Variants in GALNT17 observed in about 807,000 individuals in gnomAD.
GALNT17 encodes UDP-GalNAc:polypeptide N-acetylgalactosaminyltransferase-like 3.
In GALNT17, 29 loss-of-function variants were observed where a neutral mutation model predicts 63.7. The observed-to-expected ratio is 0.46, with a 90% CI of 0.34 to 0.62. The LOEUF (loss-of-function observed/expected upper bound fraction) is 0.62, where lower values mean the gene tolerates loss of function less well. Among genes scored for constraint, GALNT17 ranks in the 20% least tolerant of loss-of-function variants. The pLI, the probability that GALNT17 is intolerant of heterozygous loss-of-function variation, is 0.01. For synonymous variants in GALNT17, 305 were observed against 318.3 expected, an observed-to-expected ratio of 0.96 and a Z score of 0.45; for missense variants, 603 against 799.6, an observed-to-expected ratio of 0.75 and a Z score of 2.97.
chr7:71,537,700 C>G (rs931363662), intron 5 of GALNT17, among the ~76,000 whole-genome samples: 1 of 152,092 alleles, frequency 6.6e-6, no homozygotes, highest in Non-Finnish European at 1.5e-5. Flanking sequence ...GTAGTCCCAG[C>G]TGCTCAGGAG....
intron 8 of GALNT17, among the ~76,000 whole-genome samples, chr7:71,675,448 T>C (rs189679610): frequency 1.4e-4 from 21 of 152,174 alleles, no homozygotes; most frequent in African/African-American, 5.1e-4. Flanking sequence ...GTTAAAACAT[T>C]CATGTCCTTA....
chr7:71,152,591 C>A (rs575761104), intron 1 of GALNT17, among the ~76,000 whole-genome samples: 1 of 152,214 alleles, frequency 6.6e-6, no homozygotes, highest in African/African-American at 2.4e-5. Context: ...CACTTTTCTT[C>A]TTCCCCATGA....
At chr7:71,136,674 G>T (rs753805954) in intron 1 of GALNT17, among the ~76,000 whole-genome samples, 1 of 151,970 alleles carries the variant, frequency 6.6e-6, no homozygotes, top group East Asian at 1.9e-4. Flanking sequence ...TAGTAGAGAC[G>T]GGTTTTCGCC....
intron 6 of GALNT17, among the ~76,000 whole-genome samples, chr7:71,640,262 T>C (rs1164467787): frequency 6.6e-6 from 1 of 152,212 alleles, no homozygotes; most frequent in African/African-American, 2.4e-5. Flanking sequence ...CGATTTTCCC[T>C]CTTGTAAAAC....
intron 3 of GALNT17, among the ~76,000 whole-genome samples, chr7:71,393,401 A>C (rs947491162): frequency 3.3e-5 from 5 of 152,228 alleles, no homozygotes; most frequent in African/African-American, 1.2e-4. Context: ...AATTGGAAAA[A>C]AATAAATACT....
At chr7:71,486,812 G>C (rs1787917799) in intron 5 of GALNT17, among the ~76,000 whole-genome samples, 1 of 151,068 alleles carries the variant, frequency 6.6e-6, no homozygotes, top group South Asian at 2.1e-4. Flanking sequence ...GCAGTGAGCT[G>C]TAATGGTGCC....
At chr7:71,701,949 T>C (rs1408648114) in intron 9 of GALNT17, among the ~76,000 whole-genome samples, 3 of 146,602 alleles carry the variant, frequency 2.0e-5, no homozygotes, top group East Asian at 2.0e-4. Context: ...CATGGAACAC[T>C]ATGCAACCAT....
rs751787646 is a variant in GALNT17 at position 71,238,355 on chromosome 7, C to T, written c.239-97195C>T. Reference sequence around the variant, plus strand: ...TTTCACATTTGCATCTAGCTGCATTCGGAATTTATTTATTTATTTAGAGAG... The same window carrying T: ...TTTCACATTTGCATCTAGCTGCATTTGGAATTTATTTATTTATTTAGAGAG... On this transcript the variant is annotated intron_variant, in intron 1 of 10. Coordinates refer to ENST00000333538, the MANE Select transcript of GALNT17 (RefSeq NM_022479.3). Among the ~76,000 whole-genome samples, 7 of 152,016 alleles carry T rather than the reference C, an allele frequency of 4.6e-5. No individual in the cohort carries two copies. The East Asian group carries it at 5.8e-4, about 13-fold the overall frequency.
intron 1 of GALNT17, among the ~76,000 whole-genome samples, chr7:71,165,469 A>AG (rs1788422985): frequency 5.3e-5 from 6 of 112,816 alleles, no homozygotes; most frequent in African/African-American, 1.6e-4. Context: ...GACAGACAAG[A>AG]GAAGAGAGAG....
intron 2 of GALNT17, among the ~76,000 whole-genome samples, chr7:71,374,853 T>TTC (rs1482379527): frequency 6.7e-6 from 1 of 150,144 alleles, no homozygotes; most frequent in African/African-American, 2.5e-5. Context: ...TTTTTTTTTT[T>TTC]TTTTGAGACG....
At chr7:71,488,307 C>T (rs1583996642) in intron 5 of GALNT17, among the ~76,000 whole-genome samples, 1 of 152,030 alleles carries the variant, frequency 6.6e-6, no homozygotes, top group African/African-American at 2.4e-5. Flanking sequence ...AATGAGGGCT[C>T]ATAGCAGAGA....
At chr7:71,200,437 C>T (rs1789144874) in intron 1 of GALNT17, among the ~76,000 whole-genome samples, 1 of 152,132 alleles carries the variant, frequency 6.6e-6, no homozygotes, top group African/African-American at 2.4e-5. Context: ...CAGTAATAAT[C>T]CAGGTGACTG....
At chr7:71,612,693 T>A (rs1790143106) in intron 6 of GALNT17, among the ~76,000 whole-genome samples, 1 of 152,234 alleles carries the variant, frequency 6.6e-6, no homozygotes, top group Non-Finnish European at 1.5e-5. Context: ...CCTGCAATTG[T>A]TTCCCTTTGG....
Position 71,202,736 on chromosome 7 carries a change from C to G in GALNT17, c.238+69696C>G, listed in dbSNP as rs566997416. ...TGCTGTGATATTTCCAAAACTTATCCCTCCCGTCAAACCGAACCTTTGTAA... is the reference window on the plus strand; with the variant it reads ...TGCTGTGATATTTCCAAAACTTATCGCTCCCGTCAAACCGAACCTTTGTAA... On this transcript the variant is annotated intron_variant, in intron 1 of 10. Coordinates refer to ENST00000333538, the MANE Select transcript of GALNT17 (RefSeq NM_022479.3). Among the ~76,000 whole-genome samples the G allele has an allele frequency of 3.3e-5, 5 of 152,212 alleles. No homozygotes were observed. In the South Asian group the frequency reaches 1.0e-3, roughly 32 times the overall value.
At chr7:71,143,887 A>T (rs1212087221) in intron 1 of GALNT17, among the ~76,000 whole-genome samples, 2 of 151,890 alleles carry the variant, frequency 1.3e-5, no homozygotes, top group Non-Finnish European at 2.9e-5. Context: ...TTAAAAAAAA[A>T]AAAAGAGTGC....
chr7:71,489,122 G>A (rs1218839239), intron 5 of GALNT17, among the ~76,000 whole-genome samples: 1 of 151,842 alleles, frequency 6.6e-6, no homozygotes, highest in Non-Finnish European at 1.5e-5. Flanking sequence ...TTGAACTCCT[G>A]GCCTCAAGTG....
At chr7:71,294,147 G>C (rs147940926) in intron 1 of GALNT17, among the ~76,000 whole-genome samples, 1,479 of 133,768 alleles carry the variant, frequency 0.011, 17 homozygotes, top group African/African-American at 0.04. Flanking sequence ...GGGCAACAGA[G>C]CGAGACTCCG....
intron 5 of GALNT17, among the ~76,000 whole-genome samples, chr7:71,482,061 A>G (rs921872629): frequency 7.3e-6 from 1 of 137,748 alleles, no homozygotes; most frequent in African/African-American, 2.7e-5. Context: ...GCATTGATGT[A>G]TAGGTATACA....
chr7:71,547,756 A>G (rs1462902569), intron 5 of GALNT17, among the ~76,000 whole-genome samples: 1 of 152,148 alleles, frequency 6.6e-6, no homozygotes, highest in Non-Finnish European at 1.5e-5. Flanking sequence ...TTTATTACCC[A>G]TTGTCTAGTC....
Sources: allele counts gnomAD v4.1 joint callset (sites outside exome capture counted in the v4.1 genomes callset), GRCh38; gene constraint gnomAD v4.1.1; transcripts MANE v1.5; gene names NCBI Gene and HGNC (gene_info 2026-07-23, HGNC 2026-07-21).